SLC1A7: variants seen among roughly 807,000 people sequenced by gnomAD.
SLC1A7 encodes the protein solute carrier family 1 member 7.
SLC1A7 carries 40 observed loss-of-function variants against 47.7 expected under a neutral mutation model. The observed-to-expected ratio is 0.84, with a 90% CI of 0.65 to 1.09. The LOEUF is 1.09. Ranked by LOEUF, SLC1A7 falls within the 50% of genes least tolerant of loss-of-function variation. The probability of loss-of-function intolerance (pLI) is 0.00; values close to 1 mark genes in which losing one functional copy is unlikely to be tolerated. For missense variants in SLC1A7, 746 were observed against 769.5 expected, an observed-to-expected ratio of 0.97 and a Z score of 0.36; for synonymous variants, 323 against 325.6, an observed-to-expected ratio of 0.99 and a Z score of 0.09.
chr1:53,089,025 G>T, intron 9 of SLC1A7, 46 bp from the exon 10 acceptor site: 1 of 1,458,434 alleles, frequency 6.9e-7, no homozygotes, highest in Non-Finnish European at 9.6e-7. Context: ...TTGAAGGGGA[G>T]CTGGAAGAGG....
chr1:53,139,260 C>A (rs935234107), intron 1 of SLC1A7, among the ~76,000 whole-genome samples: 1 of 152,142 alleles, frequency 6.6e-6, no homozygotes, highest in African/African-American at 2.4e-5. Context: ...ATTTAGAGAT[C>A]TTTTCTCTGA....
At chr1:53,118,035 A>C (rs138768897) in intron 2 of SLC1A7, among the ~76,000 whole-genome samples, 4,540 of 152,300 alleles carry the variant, frequency 0.03, 105 homozygotes, top group Non-Finnish European at 0.044. Flanking sequence ...CCTCCCCCGG[A>C]GTGCCAGGGC....
At chr1:53,114,737 G>A in intron 3 of SLC1A7, 21 bp downstream of exon 3, 2 of 1,606,180 alleles carry the variant, frequency 1.2e-6, no homozygotes, top group Non-Finnish European at 1.7e-6. Flanking sequence ...TCCCAAGCGG[G>A]GTGTGGGTGG....
chr1:53,092,861 C>T lies in SLC1A7; in HGVS notation c.798-74G>A, dbSNP rs984425907. ...CCCCGGCCCCAGCCCCGCATCGCTG[C>T]GCGGCCTTCCCCCTGAGCTTCCTGG... On this transcript the variant is annotated intron_variant, in intron 6 of 10. Transcript: ENST00000371494. 2.3e-5 allele frequency: 23 copies of T among 981,800 alleles called. 1 individual carries two copies. Among genetic ancestry groups the T allele is most frequent in the South Asian group, 2.3e-4 (17 of 72,968 alleles). 60.8% of individuals were successfully genotyped at this position (981,800 alleles called of 1,614,324 possible).
intron 5 of SLC1A7, among the ~76,000 whole-genome samples, chr1:53,095,870 CACCTTGGTACATTCACAT>C: frequency 6.9e-6 from 1 of 144,506 alleles, no homozygotes; most frequent in Middle Eastern, 4.7e-3. Context: ...ACACTCACAC[CACCTTGGTACATTCACAT>C]CGCCTCGGTA....
chr1:53,116,265 G>A (rs913747765), intron 2 of SLC1A7: 3 of 152,312 alleles, frequency 2.0e-5, no homozygotes, highest in Admixed American at 6.5e-5. Context: ...CCTCTTGCAG[G>A]AAGCCGTCTC....
chr1:53,105,820 G>A (rs1315378428), intron 3 of SLC1A7, 46 bp from the exon 4 acceptor site: 3 of 1,547,538 alleles, frequency 1.9e-6, no homozygotes, highest in Non-Finnish European at 2.7e-6. Flanking sequence ...CCCAGGACAG[G>A]AGGGCCCTGG....
chr1:53,111,136 C>A (rs1052523991), intron 3 of SLC1A7, among the ~76,000 whole-genome samples: 1 of 152,078 alleles, frequency 6.6e-6, no homozygotes, highest in Non-Finnish European at 1.5e-5. Context: ...AGAAGTGACT[C>A]AAGAGAAGAC....
intron 2 of SLC1A7, among the ~76,000 whole-genome samples, chr1:53,124,771 G>A (rs769365038): frequency 7.9e-5 from 12 of 152,200 alleles, no homozygotes; most frequent in Non-Finnish European, 1.6e-4. Context: ...CCACAGTCCC[G>A]AGGCAGGGCA....
chr1:53,097,615 G>A (rs34978992), intron 5 of SLC1A7, among the ~76,000 whole-genome samples: 19,833 of 145,580 alleles, frequency 0.14, 1,456 homozygotes, highest in Middle Eastern at 0.2. Flanking sequence ...CAAACACCTC[G>A]CCTCGGTACA....
At chr1:53,115,387 G>C in intron 2 of SLC1A7, 3 of 208,554 alleles carry the variant, frequency 1.4e-5, no homozygotes, top group East Asian at 2.7e-4. Context: ...GACCAAGCTT[G>C]GTCTACCTCT....
At chr1:53,100,392 ACACCCCGCC>A in intron 5 of SLC1A7, among the ~76,000 whole-genome samples, 2 of 151,420 alleles carry the variant, frequency 1.3e-5, no homozygotes, top group Non-Finnish European at 2.9e-5. Flanking sequence ...GTACACTCAC[ACACCCCGCC>A]TCAGTACACT....
intron 2 of SLC1A7, among the ~76,000 whole-genome samples, chr1:53,120,364 C>T (rs1340438581): frequency 2.0e-5 from 3 of 152,160 alleles, no homozygotes; most frequent in African/African-American, 7.2e-5. Context: ...GTCGCACCTC[C>T]CTACAGAGAG....
intron 3 of SLC1A7, among the ~76,000 whole-genome samples, chr1:53,110,435 G>A (rs917433219): frequency 6.6e-6 from 1 of 152,152 alleles, no homozygotes; most frequent in Non-Finnish European, 1.5e-5. Flanking sequence ...GGTTGAGAGC[G>A]GGTGGGGTAG....
rs775886126 is a variant in SLC1A7, at chr1:53,142,425, G to A, written c.25C>T (p.Arg9Trp). Residue 9 changes from arginine (R) to tryptophan (W), a missense_variant, in exon 1 of 11, where the codon CGG becomes TGG. Arg to Trp is a moderately radical substitution (Grantham distance 101). Coordinates refer to ENST00000371494, the MANE Select transcript of SLC1A7 (RefSeq NM_006671.6). MVPHAILA[R>W]GRDVCRRNGL... is the part of the protein sequence containing the mutation. Reference sequence around the variant, plus strand: ...TTCCGCCTGCACACGTCCCTCCCCCGTGCCAAGATGGCATGCGGCACCATG... The same window carrying A: ...TTCCGCCTGCACACGTCCCTCCCCCATGCCAAGATGGCATGCGGCACCATG... 58 of 1,612,838 alleles carry A rather than the reference G, an allele frequency of 3.6e-5. No individual in the cohort carries two copies. Among genetic ancestry groups the A allele is most frequent in the Non-Finnish European group, 4.3e-5 (51 of 1,179,610 alleles).
chr1:53,105,462 A>C (rs1644628764), intron 4 of SLC1A7, among the ~76,000 whole-genome samples: 1 of 152,108 alleles, frequency 6.6e-6, no homozygotes, highest in Non-Finnish European at 1.5e-5. Flanking sequence ...GAGATGGTGT[A>C]TGTGGAAGCA....
Position 53,142,513 on chromosome 1 carries a change from C to T in SLC1A7, c.-64G>A. On this transcript the variant is annotated 5_prime_UTR_variant, in exon 1 of 11. Transcript: ENST00000371494. The stretch of plus-strand genomic sequence containing the variant: ...CCACGCATGAGAGCCCGGCCGGGGG[C>T]ACAGGGTCTGGGCTGAGGGCTCTAG... 6.4e-7 allele frequency: 1 copy of T among 1,573,920 alleles called. No individual in the cohort carries two copies. The highest frequency in any genetic ancestry group is 8.6e-7 in the Non-Finnish European group (1 of 1,160,392).
intron 2 of SLC1A7, among the ~76,000 whole-genome samples, chr1:53,121,256 G>C (rs1251741931): frequency 1.3e-5 from 2 of 152,212 alleles, no homozygotes. Flanking sequence ...TGACATTCTA[G>C]ATCAGACGTG....
intron 1 of SLC1A7, among the ~76,000 whole-genome samples, chr1:53,135,379 C>T (rs1397135968): frequency 6.6e-6 from 1 of 152,216 alleles, no homozygotes; most frequent in Non-Finnish European, 1.5e-5. Context: ...TCAGTTTCTC[C>T]ATCTGTTTTG....
Sources: gnomAD v4.1 joint callset for allele counts (sites outside exome capture counted in the v4.1 genomes callset) on GRCh38, gnomAD v4.1.1 for gene constraint, MANE v1.5 for transcripts, NCBI Gene and HGNC (gene_info 2026-07-23, HGNC 2026-07-21) for gene names.